Variants in BMP5 observed in about 807,000 individuals in gnomAD.
The protein encoded by BMP5 is bone morphogenetic protein 5.
Under a neutral mutation model 46.6 loss-of-function variants are expected in BMP5, and 23 were observed. The ratio of observed to expected loss-of-function variants is 0.49; its 90% CI spans 0.35 to 0.70. The LOEUF is 0.70. Ranked by LOEUF, BMP5 falls within the 30% of genes least tolerant of loss-of-function variation. BMP5 has a pLI of 0.00. For missense variants in BMP5, 545 were observed against 565.6 expected (o/e 0.96, Z 0.37); for synonymous variants, 204 against 191.9 (o/e 1.06, Z -0.52).
At chr6:55,798,034 G>A (rs961039296) in intron 2 of BMP5, among the ~76,000 whole-genome samples, 14 of 152,088 alleles carry the variant, frequency 9.2e-5, no homozygotes, top group African/African-American at 2.2e-4. Flanking sequence ...TTCTGAAACC[G>A]GAGGAAAAGA....
Position 55,835,211 on chromosome 6 carries a change from T to A in BMP5, c.491-15364A>T, listed in dbSNP as rs192733853. 1.7e-3 allele frequency among the ~76,000 whole-genome samples: 264 copies of A among 152,274 alleles called. 1 individual carries two copies. Among genetic ancestry groups the A allele is most frequent in the African/African-American group, 5.2e-3 (216 of 41,562 alleles). ...ATATTTACCTTATTTTTCAAGATATTATCGAAAAATACTTTTATGAGAACC... is the reference window on the plus strand; with the variant it reads ...ATATTTACCTTATTTTTCAAGATATAATCGAAAAATACTTTTATGAGAACC... On this transcript the variant is annotated intron_variant, in intron 1 of 6. Transcript: ENST00000370830.
chr6:55,828,758 G>A (rs1436171768), intron 1 of BMP5, among the ~76,000 whole-genome samples: 1 of 151,746 alleles, frequency 6.6e-6, no homozygotes, highest in Admixed American at 6.6e-5. Flanking sequence ...TGGGGGAAAT[G>A]GAGTGGGTTT....
In BMP5 at chr6:55,755,518, C is replaced by T; in HGVS notation, c.*15G>A. 1.3e-6 allele frequency: 2 copies of T among 1,595,822 alleles called. No homozygotes were observed. The highest frequency in any genetic ancestry group is 1.1e-5 in the South Asian group (1 of 90,334). On this transcript the variant is annotated 3_prime_UTR_variant, in exon 7 of 7. Coordinates refer to ENST00000370830, the MANE Select transcript of BMP5 (RefSeq NM_021073.4). ...TTAATACAGATCTTTTTGTTATTAT[C>T]AATATTATTTAATATTAGTGGCAGC...
intron 2 of BMP5, among the ~76,000 whole-genome samples, chr6:55,819,167 T>C (rs1776349640): frequency 6.6e-6 from 1 of 152,242 alleles, no homozygotes; most frequent in African/African-American, 2.4e-5. Context: ...TCAGACTATC[T>C]GTCCATTTTT....
intron 3 of BMP5, among the ~76,000 whole-genome samples, chr6:55,793,134 G>A (rs987050353): frequency 6.6e-6 from 1 of 152,086 alleles, no homozygotes; most frequent in African/African-American, 2.4e-5. Flanking sequence ...TTTGAGTTTA[G>A]AGTGTTTGAA....
intron 2 of BMP5, among the ~76,000 whole-genome samples, chr6:55,808,638 AC>A (rs1776049594): frequency 6.6e-6 from 1 of 152,198 alleles, no homozygotes; most frequent in Non-Finnish European, 1.5e-5. Context: ...TGTGGGCTGC[AC>A]AGTTCCATGG....
intron 1 of BMP5, among the ~76,000 whole-genome samples, chr6:55,873,118 G>T (rs1478341229): frequency 6.6e-6 from 1 of 151,806 alleles, no homozygotes; most frequent in South Asian, 2.1e-4. Flanking sequence ...TTCATGCTAG[G>T]ATTGCTAAGA....
intron 1 of BMP5, among the ~76,000 whole-genome samples, chr6:55,828,092 C>T (rs570796916): frequency 6.6e-6 from 1 of 151,908 alleles, no homozygotes; most frequent in Admixed American, 6.6e-5. Context: ...TTTTTAACCA[C>T]CTTTAGGTGA....
intron 2 of BMP5, among the ~76,000 whole-genome samples, chr6:55,809,343 T>C (rs1776067105): frequency 6.6e-6 from 1 of 152,166 alleles, no homozygotes. Flanking sequence ...CAATTACAAA[T>C]GTAAAAGTTA....
intron 6 of BMP5, among the ~76,000 whole-genome samples, chr6:55,757,848 C>T (rs1190361819): frequency 6.6e-6 from 1 of 151,900 alleles, no homozygotes; most frequent in Non-Finnish European, 1.5e-5. Context: ...ATAGATTGCA[C>T]TTTTTGGTGT....
intron 3 of BMP5, among the ~76,000 whole-genome samples, chr6:55,780,456 T>TAAAAAAAAAA (rs369703099): frequency 3.2e-5 from 2 of 61,976 alleles, no homozygotes; most frequent in African/African-American, 8.4e-5. Flanking sequence ...CCATCACTAC[T>TAAAAAAAAAA]AAAAAAAAAA....
Position 55,754,439 on chromosome 6 carries a change from G to T in BMP5, c.*1094C>A, listed in dbSNP as rs1453741898. Reference sequence around the variant, plus strand: ...GGTTTTCATTGAGCTCACTCTCAAAGATATGAAAAATGAATTTCAGCTGTT... The same window carrying T: ...GGTTTTCATTGAGCTCACTCTCAAATATATGAAAAATGAATTTCAGCTGTT... On this transcript the variant is annotated 3_prime_UTR_variant, in exon 7 of 7. Coordinates refer to ENST00000370830, the MANE Select transcript of BMP5 (RefSeq NM_021073.4). 1 of 151,880 alleles carries T rather than the reference G, an allele frequency of 6.6e-6. No homozygotes were observed. The highest frequency in any genetic ancestry group is 2.4e-5 in the African/African-American group (1 of 41,404). 9.4% of individuals were successfully genotyped at this position (151,880 alleles called of 1,614,324 possible). A position where few individuals can be genotyped will look rare whatever the true frequency, so the allele number is the denominator to read the frequency against.
intron 1 of BMP5, among the ~76,000 whole-genome samples, chr6:55,852,913 C>CTT (rs1777280335): frequency 6.6e-6 from 1 of 151,968 alleles, no homozygotes; most frequent in Non-Finnish European, 1.5e-5. Context: ...GGGTGGATCA[C>CTT]GAGGTCAGGA....
Position 55,852,150 on chromosome 6 carries a change from C to G in BMP5, c.490+22226G>C, listed in dbSNP as rs568857562. On this transcript the variant is annotated intron_variant, in intron 1 of 6. Coordinates refer to ENST00000370830, the MANE Select transcript of BMP5 (RefSeq NM_021073.4). ...GGAAGCATGCTATATACAATTTGTTCTATTATAGCAATATATAAAATATTA... is the reference window on the plus strand; with the variant it reads ...GGAAGCATGCTATATACAATTTGTTGTATTATAGCAATATATAAAATATTA... Among the ~76,000 whole-genome samples, 5 of 152,028 alleles carry G rather than the reference C, an allele frequency of 3.3e-5. No homozygotes were observed. The South Asian group carries it at 1.0e-3, about 32-fold the overall frequency.
intron 1 of BMP5, among the ~76,000 whole-genome samples, chr6:55,824,538 A>G (rs1006590664): frequency 6.6e-6 from 1 of 151,950 alleles, no homozygotes; most frequent in African/African-American, 2.4e-5. Flanking sequence ...CAAGACAAAC[A>G]AAAAGGCAGA....
chr6:55,759,144 CAAAAAAAAAAAAAAAAAAAAAA>C (rs754365141), intron 5 of BMP5, 29 bp from the exon 6 acceptor site: 21 of 85,082 alleles, frequency 2.5e-4, no homozygotes, highest in Admixed American at 1.4e-3. Context: ...CACACACACA[CAAAAAAAAAAAAAAAAAAAAAA>C]AAAAAAAAAA....
intron 4 of BMP5, among the ~76,000 whole-genome samples, chr6:55,763,264 A>G (rs965785829): frequency 1.2e-4 from 19 of 152,156 alleles, no homozygotes; most frequent in Non-Finnish European, 2.2e-4. Flanking sequence ...TATGTATATA[A>G]AAAATAAAGA....
In BMP5 at chr6:55,819,806, T is replaced by C; in HGVS notation, c.532A>G (p.Lys178Glu). 6.2e-7 allele frequency: 1 copy of C among 1,613,932 alleles called. No homozygotes were observed. Among genetic ancestry groups the C allele is most frequent in the Non-Finnish European group, 8.5e-7 (1 of 1,179,938 alleles). Reference sequence around the variant, plus strand: ...TGGGTAAGATCAAATCGAAATTCTTTGTAATGCCTTCGCTGGTGAGAAAAA... The same window carrying C: ...TGGGTAAGATCAAATCGAAATTCTTCGTAATGCCTTCGCTGGTGAGAAAAA... ...KDFSHQRRHYKEFRFDLTQIP... is the reference protein window; with the variant it reads ...KDFSHQRRHYEEFRFDLTQIP... The change falls in exon 2 of 7, where the codon AAA becomes GAA. Residue 178 changes from lysine to glutamate, a missense_variant. Physicochemically the swap from Lys to Glu is moderately conservative, Grantham distance 56. Coordinates refer to ENST00000370830, the MANE Select transcript of BMP5 (RefSeq NM_021073.4).
At chr6:55,767,057 A>C (rs1478521401) in intron 4 of BMP5, among the ~76,000 whole-genome samples, 2 of 152,046 alleles carry the variant, frequency 1.3e-5, no homozygotes, top group African/African-American at 4.8e-5. Context: ...AATTATACCC[A>C]GATATATTCT....
Sources: gnomAD v4.1 joint callset for allele counts (sites outside exome capture counted in the v4.1 genomes callset) on GRCh38, gnomAD v4.1.1 for gene constraint, MANE v1.5 for transcripts, NCBI Gene and HGNC (gene_info 2026-07-23, HGNC 2026-07-21) for gene names.